MPP3: variants seen among roughly 807,000 people sequenced by gnomAD.
The protein encoded by MPP3 is MAGUK p55 subfamily member 3.
A neutral mutation model predicts 80.7 loss-of-function variants in MPP3; 48 were observed. The observed-to-expected ratio is 0.59, with a 90% CI of 0.47 to 0.76. The LOEUF is 0.76. MPP3 is among the 30% of genes least tolerant of loss of function. MPP3 has a pLI of 0.00. For synonymous variants in MPP3, 311 were observed against 297.6 expected, an observed-to-expected ratio of 1.04 and a Z score of -0.46; for missense variants, 620 against 763.0, an observed-to-expected ratio of 0.81 and a Z score of 2.21.
At chr17:43,824,194 C>T (rs573531673) in intron 9 of MPP3, among the ~76,000 whole-genome samples, 189 bp from the exon 10 acceptor site, 2 of 152,306 alleles carry the variant, frequency 1.3e-5, no homozygotes, top group South Asian at 2.1e-4. Context: ...AGTAACTGTA[C>T]ATTTTTGTAT....
At position 43,831,233 on chromosome 17, in the gene MPP3, C is replaced by T. The variant is rs372056295; in HGVS notation, c.222+11G>A. On this transcript the variant is annotated intron_variant, in intron 5 of 19. Transcript: ENST00000398389. ...TGGGGCAGACACTGTAAGGAGAAACCTGGGGCTTACGTCCTCAGCGAGGGC... is the reference window on the plus strand; with the variant it reads ...TGGGGCAGACACTGTAAGGAGAAACTTGGGGCTTACGTCCTCAGCGAGGGC... The T allele has an allele frequency of 1.9e-6, 3 of 1,613,800 alleles. No homozygotes were observed. In the African/African-American group the frequency reaches 4.0e-5, roughly 22 times the overall value.
intron 12 of MPP3, among the ~76,000 whole-genome samples, chr17:43,817,495 C>T (rs1304272154): frequency 6.6e-6 from 1 of 152,176 alleles, no homozygotes; most frequent in Non-Finnish European, 1.5e-5. Context: ...TATAAGTATG[C>T]CTCAAATATT....
intron 5 of MPP3, among the ~76,000 whole-genome samples, chr17:43,830,586 C>T: frequency 6.6e-6 from 1 of 152,128 alleles, no homozygotes. Context: ...GCTGGTGGGA[C>T]AGGCAGCGCT....
At chr17:43,801,905 C>A in intron 19 of MPP3, 28 bp from the exon 20 acceptor site, 1 of 1,601,304 alleles carries the variant, frequency 6.2e-7, no homozygotes, top group Non-Finnish European at 8.5e-7. Flanking sequence ...GTAAAAGGAG[C>A]AACTGGGTTG....
chr17:43,801,813 A>G lies in MPP3; in HGVS notation c.1646T>C (p.Val549Ala). ...AFIDRHYGHL[V>A]DAVLVKEDLQ... ...ATCCTCCTTCACCAGCACGGCGTCT[A>G]CCAGGTGCCCGTAATGCCGGTCTAT... is the stretch of plus-strand genomic sequence containing the variant. The change falls in exon 20 of 20, where the codon GTA becomes GCA. Residue 549 changes from valine to alanine, a missense_variant. Coordinates refer to ENST00000398389, the MANE Select transcript of MPP3 (RefSeq NM_001932.6). 1 of 1,614,144 alleles carries G rather than the reference A, an allele frequency of 6.2e-7. No individual in the cohort carries two copies. The highest frequency in any genetic ancestry group is 8.5e-7 in the Non-Finnish European group (1 of 1,180,016).
intron 2 of MPP3, among the ~76,000 whole-genome samples, chr17:43,832,559 G>A (rs1184843073): frequency 6.6e-6 from 1 of 152,232 alleles, no homozygotes; most frequent in African/African-American, 2.4e-5. Context: ...TATCTCATGA[G>A]GCCCTCCAAA....
chr17:43,807,693 C>A (rs903213645), intron 19 of MPP3, among the ~76,000 whole-genome samples: 1 of 152,158 alleles, frequency 6.6e-6, no homozygotes, highest in Non-Finnish European at 1.5e-5. Flanking sequence ...CGGTGGCTCA[C>A]ACCTGTAATC....
intron 19 of MPP3, among the ~76,000 whole-genome samples, chr17:43,804,243 A>C (rs1414959029): frequency 6.6e-6 from 1 of 152,226 alleles, no homozygotes; most frequent in African/African-American, 2.4e-5. Context: ...GGAAATGTAA[A>C]GGACCCAGAA....
chr17:43,820,479 C>A (rs1271457450), intron 11 of MPP3, among the ~76,000 whole-genome samples: 1 of 151,602 alleles, frequency 6.6e-6, no homozygotes, highest in Non-Finnish European at 1.5e-5. Flanking sequence ...GTAATCTCAG[C>A]TACTCAGGAG....
chr17:43,802,009 C>A, intron 19 of MPP3, 132 bp from the exon 20 acceptor site: 1 of 815,220 alleles, frequency 1.2e-6, no homozygotes, highest in Non-Finnish European at 1.9e-6. Flanking sequence ...CACTGATAAC[C>A]AACTGTGTAC....
chr17:43,802,533 C>T (rs1378796255), intron 19 of MPP3, among the ~76,000 whole-genome samples: 1 of 152,190 alleles, frequency 6.6e-6, no homozygotes. Flanking sequence ...AATCAGATTG[C>T]TTTTCTGACA....
chr17:43,809,190 G>C (rs2044742214), intron 18 of MPP3, 112 bp from the exon 19 acceptor site: 1 of 1,157,864 alleles, frequency 8.6e-7, no homozygotes, highest in Admixed American at 2.6e-5. Flanking sequence ...AACAGCAAAG[G>C]TCCTGGTTAC....
chr17:43,823,810 G>C, intron 10 of MPP3, 121 bp downstream of exon 10: 1 of 688,274 alleles, frequency 1.5e-6, no homozygotes, highest in Non-Finnish European at 2.5e-6. Context: ...AGATTACTAG[G>C]ATCAGATCTA....
chr17:43,811,016 C>G (rs992984983), intron 17 of MPP3, 96 bp downstream of exon 17: 5 of 1,443,618 alleles, frequency 3.5e-6, no homozygotes, highest in South Asian at 2.3e-5. Flanking sequence ...CCGCTTCCCC[C>G]ATCCTTTCCG....
At chr17:43,810,174 G>A (rs1036105387) in intron 18 of MPP3, among the ~76,000 whole-genome samples, 10 of 152,094 alleles carry the variant, frequency 6.6e-5, no homozygotes, top group African/African-American at 2.4e-4. Context: ...CATAAAATCA[G>A]AGATCTGTTT....
chr17:43,821,767 G>GC (rs759238591), intron 10 of MPP3, among the ~76,000 whole-genome samples: 20 of 152,194 alleles, frequency 1.3e-4, no homozygotes, highest in Middle Eastern at 3.4e-3. Context: ...GACCATTAGG[G>GC]CCCAATCACT....
chr17:43,816,640 G>A lies in MPP3; in HGVS notation c.967+37C>T, dbSNP rs753166194. The A allele has an allele frequency of 8.4e-6, 13 of 1,556,470 alleles. No individual in the cohort carries two copies. The Admixed American group carries it at 2.5e-4, about 30-fold the overall frequency. On this transcript the variant is annotated intron_variant, in intron 13 of 19. Coordinates refer to ENST00000398389, the MANE Select transcript of MPP3 (RefSeq NM_001932.6). ...GCCCCAGACGTTCCACGGAAAAGGG[G>A]CCACGCCTGTGGACAGCGGATAGAT...
Position 43,829,810 on chromosome 17 carries a change from A to G in MPP3, c.304-19T>C. 6.2e-7 allele frequency: 1 copy of G among 1,610,024 alleles called. No homozygotes were observed. The highest frequency in any genetic ancestry group is 1.1e-5 in the South Asian group (1 of 90,714). ...GCACAGCCTGCCGGGAAAGCCAGAGAAAAGGAAGGCTGGCCCGCCGCTCAC... is the reference window on the plus strand; with the variant it reads ...GCACAGCCTGCCGGGAAAGCCAGAGGAAAGGAAGGCTGGCCCGCCGCTCAC... On this transcript the variant is annotated intron_variant, in intron 6 of 19. Transcript: ENST00000398389.
chr17:43,827,680 A>G (rs2045776075), intron 8 of MPP3, 71 bp downstream of exon 8: 1 of 1,463,970 alleles, frequency 6.8e-7, no homozygotes. Context: ...GGGACCTATT[A>G]GCAAAGGTGG....
Sources: gnomAD v4.1 joint callset for allele counts (sites outside exome capture counted in the v4.1 genomes callset) on GRCh38, gnomAD v4.1.1 for gene constraint, MANE v1.5 for transcripts, NCBI Gene and HGNC (gene_info 2026-07-23, HGNC 2026-07-21) for gene names.